Variants in FOXJ3 observed in about 807,000 individuals in gnomAD.
The protein encoded by FOXJ3 is forkhead box J3.
Under a neutral mutation model 76.1 loss-of-function variants are expected in FOXJ3, and 22 were observed. The ratio of observed to expected loss-of-function variants is 0.29; its 90% CI spans 0.21 to 0.41. The LOEUF (loss-of-function observed/expected upper bound fraction) is 0.41. Among genes scored for constraint, FOXJ3 ranks in the 10% least tolerant of loss-of-function variants. The probability of loss-of-function intolerance (pLI) is 1.00; values close to 1 mark genes in which losing one functional copy is unlikely to be tolerated. For synonymous variants in FOXJ3, 269 were observed against 261.2 expected, an observed-to-expected ratio of 1.03 and a Z score of -0.29; for missense variants, 613 against 762.1, an observed-to-expected ratio of 0.80 and a Z score of 2.30.
intron 2 of FOXJ3, among the ~76,000 whole-genome samples, chr1:42,286,122 AAG>A (rs1216603901): frequency 1.3e-5 from 2 of 151,796 alleles, no homozygotes. Flanking sequence ...GAAATCTAAA[AAG>A]AAATAAAATA....
intron 5 of FOXJ3, among the ~76,000 whole-genome samples, chr1:42,212,432 A>G (rs1205552129): frequency 6.6e-6 from 1 of 152,224 alleles, no homozygotes; most frequent in African/African-American, 2.4e-5. Flanking sequence ...GAGAACTACA[A>G]AATGTGGTAG....
intron 4 of FOXJ3, among the ~76,000 whole-genome samples, chr1:42,253,690 C>G (rs543716948): frequency 6.6e-6 from 1 of 152,400 alleles, no homozygotes; most frequent in East Asian, 1.9e-4. Flanking sequence ...TTTGACAAAC[C>G]TGAGAAAAAC....
intron 2 of FOXJ3, among the ~76,000 whole-genome samples, chr1:42,302,565 T>C (rs1476804763): frequency 6.6e-6 from 1 of 152,206 alleles, no homozygotes. Flanking sequence ...TGCCTAGGCA[T>C]GGAGCTGGGA....
At chr1:42,259,043 C>T (rs1476242275) in intron 4 of FOXJ3, among the ~76,000 whole-genome samples, 9 of 152,154 alleles carry the variant, frequency 5.9e-5, no homozygotes, top group Middle Eastern at 3.4e-3. Flanking sequence ...CTGATAAATC[C>T]GTGTGATGGA....
chr1:42,245,180 AAAAAAC>A (rs1218870068), intron 4 of FOXJ3, among the ~76,000 whole-genome samples: 14 of 152,150 alleles, frequency 9.2e-5, no homozygotes, highest in Middle Eastern at 3.4e-3. Context: ...AAAAAAAAAA[AAAAAAC>A]AAGTCTCCCA....
At chr1:42,218,924 G>C (rs950291497) in intron 5 of FOXJ3, among the ~76,000 whole-genome samples, 1 of 152,150 alleles carries the variant, frequency 6.6e-6, no homozygotes, top group African/African-American at 2.4e-5. Context: ...CCTTGCACTT[G>C]CAGGACAGCA....
chr1:42,308,528 C>T (rs1654604302), intron 2 of FOXJ3, among the ~76,000 whole-genome samples: 1 of 151,994 alleles, frequency 6.6e-6, no homozygotes, highest in Non-Finnish European at 1.5e-5. Flanking sequence ...GTGGACCACA[C>T]AGAATATTAG....
intron 1 of FOXJ3, among the ~76,000 whole-genome samples, chr1:42,324,186 GGAATATATATACTA>G (rs1655670910): frequency 8.6e-5 from 1 of 11,608 alleles, no homozygotes; most frequent in Admixed American, 1.5e-3. Flanking sequence ...ATAAATTCTA[GGAATATATATACTA>G]TATATATACT....
chr1:42,328,647 A>T (rs1156398954), intron 1 of FOXJ3, among the ~76,000 whole-genome samples: 3 of 147,920 alleles, frequency 2.0e-5, no homozygotes, highest in Non-Finnish European at 4.5e-5. Flanking sequence ...GGTCCTAATT[A>T]TCTCATATCA....
chr1:42,180,678 A>AG (rs1397213722), intron 12 of FOXJ3, among the ~76,000 whole-genome samples: 1 of 152,180 alleles, frequency 6.6e-6, no homozygotes, highest in Non-Finnish European at 1.5e-5. Flanking sequence ...TTTAATGCTA[A>AG]GGTTTTCAGT....
intron 11 of FOXJ3, among the ~76,000 whole-genome samples, chr1:42,183,920 T>C (rs1281517990): frequency 1.3e-5 from 2 of 152,114 alleles, no homozygotes; most frequent in African/African-American, 4.8e-5. Context: ...TCTGACCCCC[T>C]GTCCCTGCCT....
At chr1:42,316,807 G>C (rs1009158647) in intron 1 of FOXJ3, among the ~76,000 whole-genome samples, 2 of 152,160 alleles carry the variant, frequency 1.3e-5, no homozygotes, top group Admixed American at 6.5e-5. Context: ...GTTCTCATAA[G>C]TGGGAGCTAA....
intron 4 of FOXJ3, among the ~76,000 whole-genome samples, chr1:42,261,391 TTGTG>T (rs148863138): frequency 1.1e-4 from 16 of 151,904 alleles, no homozygotes; most frequent in South Asian, 4.2e-4. Flanking sequence ...GAATTTCATT[TTGTG>T]TGTGTGTGTG....
intron 4 of FOXJ3, among the ~76,000 whole-genome samples, chr1:42,239,283 A>C (rs1570004721): frequency 6.7e-6 from 1 of 150,280 alleles, no homozygotes; most frequent in South Asian, 2.1e-4. Context: ...AGGACCTCTA[A>C]CAGGATTTTG....
At chr1:42,238,515 A>G (rs1648878560) in intron 4 of FOXJ3, among the ~76,000 whole-genome samples, 1 of 152,140 alleles carries the variant, frequency 6.6e-6, no homozygotes, top group Non-Finnish European at 1.5e-5. Context: ...ATTTCCACAT[A>G]AATAAGAGGA....
chr1:42,214,826 G>A (rs1647033665), intron 5 of FOXJ3, among the ~76,000 whole-genome samples: 1 of 152,188 alleles, frequency 6.6e-6, no homozygotes, highest in Non-Finnish European at 1.5e-5. Context: ...AGAGAAAGTT[G>A]AAAGACATAA....
At chr1:42,216,247 G>A (rs1437584564) in intron 5 of FOXJ3, among the ~76,000 whole-genome samples, 2 of 152,014 alleles carry the variant, frequency 1.3e-5, no homozygotes, top group Non-Finnish European at 2.9e-5. Flanking sequence ...TGCCGGGCGC[G>A]GTGGCTCACG....
intron 11 of FOXJ3, among the ~76,000 whole-genome samples, chr1:42,184,421 A>G (rs1347290243): frequency 6.6e-6 from 1 of 152,158 alleles, no homozygotes; most frequent in East Asian, 1.9e-4. Flanking sequence ...CTGTAATTCC[A>G]TCATATGCGT....
intron 8 of FOXJ3, among the ~76,000 whole-genome samples, chr1:42,192,396 G>C (rs1215344262): frequency 2.0e-5 from 3 of 152,174 alleles, no homozygotes; most frequent in Non-Finnish European, 4.4e-5. Flanking sequence ...AGCTACACAG[G>C]ATAGGGCCCA....
Sources: allele counts gnomAD v4.1 joint callset (sites outside exome capture counted in the v4.1 genomes callset), GRCh38; gene constraint gnomAD v4.1.1; transcripts MANE v1.5; gene names NCBI Gene and HGNC (gene_info 2026-07-23, HGNC 2026-07-21).